The following OTUB2 variants were observed in gnomAD, a reference collection of about 807,000 sequenced individuals.
OTUB2 encodes the protein ubiquitin thioesterase OTUB2.
OTUB2 carries 21 observed loss-of-function variants against 25.1 expected under a neutral mutation model. The ratio of observed to expected loss-of-function variants is 0.84; its 90% confidence interval spans 0.59 to 1.21. The LOEUF (loss-of-function observed/expected upper bound fraction) is 1.21. Ranked by LOEUF, OTUB2 falls within the 50% of genes most tolerant of loss-of-function variation. The pLI, the probability that OTUB2 is intolerant of heterozygous loss-of-function variation, is 0.00. For synonymous variants in OTUB2, 122 were observed against 122.8 expected (o/e 0.99, Z 0.04); for missense variants, 283 against 298.0 (o/e 0.95, Z 0.37).
chr14:94,032,060 G>A (rs1884973142), intron 1 of OTUB2, among the ~76,000 whole-genome samples: 1 of 152,232 alleles, frequency 6.6e-6, no homozygotes, highest in Non-Finnish European at 1.5e-5. Context: ...CTCTGGTCTT[G>A]CCAGGGGTGT....
intron 1 of OTUB2, among the ~76,000 whole-genome samples, chr14:94,032,219 C>T (rs1043431965): frequency 8.5e-5 from 13 of 152,080 alleles, no homozygotes; most frequent in Non-Finnish European, 1.8e-4. Flanking sequence ...ACCACTGGTG[C>T]GCTGGAGCTA....
chr14:94,040,082 G>T (rs59047677), intron 3 of OTUB2, among the ~76,000 whole-genome samples: 23,105 of 151,962 alleles, frequency 0.15, 2,829 homozygotes, highest in African/African-American at 0.34. Context: ...AATCAAAACT[G>T]CCTGCAGACA....
chr14:94,039,472 G>C, intron 3 of OTUB2: 1 of 203,870 alleles, frequency 4.9e-6, no homozygotes, highest in Non-Finnish European at 1.0e-5. Context: ...GTGTGACCCA[G>C]GCATTCAGCT....
intron 3 of OTUB2, among the ~76,000 whole-genome samples, chr14:94,040,648 C>G (rs576747901): frequency 3.0e-4 from 45 of 152,342 alleles, no homozygotes; most frequent in African/African-American, 1.0e-3. Context: ...CCTGTCTCCC[C>G]ACTCCAGTCA....
rs150855583 is a variant in OTUB2 at position 94,035,087 on chromosome 14, C to G, written c.4-2293C>G. Among the ~76,000 whole-genome samples, 737 of 152,166 alleles carry G rather than the reference C, an allele frequency of 4.8e-3. 3 individuals are homozygous for G. Among genetic ancestry groups the G allele is most frequent in the African/African-American group, 0.016 (684 of 41,500 alleles). On this transcript the variant is annotated intron_variant, in intron 1 of 5. Transcript: ENST00000203664. ...GATGGCTTTCCTGTTGCTTTGCCAG[C>G]CCACGCTATGATGTCAGGGCAGAAG...
At chr14:94,028,664 G>A (rs1256821462) in intron 1 of OTUB2, among the ~76,000 whole-genome samples, 5 of 152,228 alleles carry the variant, frequency 3.3e-5, no homozygotes, top group African/African-American at 1.2e-4. Flanking sequence ...GCCTGTGCTG[G>A]GCACTGTGAC....
chr14:94,035,777 C>T (rs1885045016), intron 1 of OTUB2, among the ~76,000 whole-genome samples: 2 of 152,266 alleles, frequency 1.3e-5, no homozygotes, highest in South Asian at 4.1e-4. Flanking sequence ...AGGGAGGCTT[C>T]ATGGAGGAGG....
In OTUB2 at chr14:94,047,623, A is replaced by G. The variant is rs1173567808; in HGVS notation, c.*1701A>G. On this transcript the variant is annotated 3_prime_UTR_variant, in exon 6 of 6. Coordinates refer to ENST00000203664, the MANE Select transcript of OTUB2 (RefSeq NM_023112.4). ...CATCATCTTTGCCAGACAAGTCTCC[A>G]GGGGATCCCTGTTTCCCAACTGAAA... 1 of 152,252 alleles carries G rather than the reference A, an allele frequency of 6.6e-6. No individual in the cohort carries two copies. Among genetic ancestry groups the G allele is most frequent in the Non-Finnish European group, 1.5e-5 (1 of 68,064 alleles). The allele number at this position is 152,252 out of a possible 1,614,324, so 9.4% of individuals were successfully genotyped here.
At chr14:94,029,086 C>T (rs1428879893) in intron 1 of OTUB2, among the ~76,000 whole-genome samples, 2 of 152,138 alleles carry the variant, frequency 1.3e-5, no homozygotes, top group Non-Finnish European at 2.9e-5. Flanking sequence ...TGTGCAGGGC[C>T]TCACTTGCTG....
chr14:94,039,432 A>G, intron 3 of OTUB2: 1 of 278,700 alleles, frequency 3.6e-6, no homozygotes, highest in Non-Finnish European at 6.8e-6. Flanking sequence ...GGTGTTCTGC[A>G]TAATTCCTGT....
At chr14:94,035,351 G>A (rs190413124) in intron 1 of OTUB2, among the ~76,000 whole-genome samples, 1 of 138,044 alleles carries the variant, frequency 7.2e-6, no homozygotes, top group African/African-American at 2.7e-5. Flanking sequence ...GTGCAGTGGT[G>A]CAATCTTGGC....
chr14:94,039,249 G>C (rs1885114587), intron 3 of OTUB2, 168 bp downstream of exon 3: 1 of 617,052 alleles, frequency 1.6e-6, no homozygotes, highest in Admixed American at 3.0e-5. Context: ...GCCTGCTGTG[G>C]TGAAGTTGGG....
At position 94,045,927 on chromosome 14, in the gene OTUB2, T is replaced by TTAA; in HGVS notation, c.*6_*7insAAT. The TTAA allele has an allele frequency of 1.2e-6, 2 of 1,613,538 alleles. No homozygotes were observed. Among genetic ancestry groups the TTAA allele is most frequent in the Non-Finnish European group, 1.7e-6 (2 of 1,179,414 alleles). ...TATGCAGCCGATAAACATTGATTAA[T>TTAA]TTTAGGCCATGCAGTGGAACCTGTC... is the stretch of plus-strand genomic sequence containing the variant. On this transcript the variant is annotated 3_prime_UTR_variant, in exon 6 of 6. Transcript: ENST00000203664.
chr14:94,030,314 C>T lies in OTUB2; in HGVS notation c.3+3774C>T, dbSNP rs528256246. Among the ~76,000 whole-genome samples, 75 of 148,810 alleles carry T rather than the reference C, an allele frequency of 5.0e-4. 1 individual carries two copies. In the South Asian group the frequency reaches 0.016, roughly 32 times the overall value. ...GCACTTCTGGGTCTTGGCATCAGCT[C>T]TGCTTGGATGGGGAGCTGGAGAAGC... On this transcript the variant is annotated intron_variant, in intron 1 of 5. Transcript: ENST00000203664.
intron 2 of OTUB2, among the ~76,000 whole-genome samples, chr14:94,038,447 T>G (rs920011504): frequency 6.6e-6 from 1 of 152,128 alleles, no homozygotes; most frequent in African/African-American, 2.4e-5. Context: ...AAAACCATCC[T>G]CTGCTGTCAA....
chr14:94,045,645 A>G, intron 5 of OTUB2, 71 bp from the exon 6 acceptor site: 1 of 1,462,610 alleles, frequency 6.8e-7, no homozygotes, highest in Non-Finnish European at 9.4e-7. Context: ...CCTGAGAGCC[A>G]GAGCTGAACT....
chr14:94,029,514 G>A (rs779421070), intron 1 of OTUB2, among the ~76,000 whole-genome samples: 3 of 152,104 alleles, frequency 2.0e-5, no homozygotes, highest in Non-Finnish European at 4.4e-5. Context: ...CCTGTATGCC[G>A]GTCTGTGTCC....
Position 94,047,027 on chromosome 14 carries a change from A to G in OTUB2, c.*1105A>G, listed in dbSNP as rs1050812796. On this transcript the variant is annotated 3_prime_UTR_variant, in exon 6 of 6. Coordinates refer to ENST00000203664, the MANE Select transcript of OTUB2 (RefSeq NM_023112.4). ...GCCATACCCCTTAAATAAGCCCCTC[A>G]CCTTGCTGCCTCAGGACCTTCAAGA... 6.6e-6 allele frequency: 1 copy of G among 152,012 alleles called. No homozygotes were observed. The highest frequency in any genetic ancestry group is 2.1e-4 in the South Asian group (1 of 4,808). The allele number at this position is 152,012 out of a possible 1,614,324, so 9.4% of individuals were successfully genotyped here.
chr14:94,044,445 A>G, intron 4 of OTUB2, 141 bp from the exon 5 acceptor site: 2 of 903,100 alleles, frequency 2.2e-6, no homozygotes, highest in South Asian at 3.5e-5. Flanking sequence ...AGAATCTCAG[A>G]CTGATTTTCT....
Sources: gnomAD v4.1 joint callset for allele counts (sites outside exome capture counted in the v4.1 genomes callset) on GRCh38, gnomAD v4.1.1 for gene constraint, MANE v1.5 for transcripts, NCBI Gene and HGNC (gene_info 2026-07-23, HGNC 2026-07-21) for gene names.